Variants in ADAM29 observed in about 807,000 individuals in gnomAD.
ADAM29 encodes disintegrin and metalloproteinase domain-containing protein 29.
For missense variants in ADAM29, 969 were observed against 1,001.8 expected (o/e 0.97, Z 0.44); for synonymous variants, 367 against 342.3 (o/e 1.07, Z -0.80).
intron 3 of ADAM29, among the ~76,000 whole-genome samples, chr4:174,935,256 G>A (rs1353674305): frequency 6.6e-6 from 1 of 152,108 alleles, no homozygotes; most frequent in Non-Finnish European, 1.5e-5. Flanking sequence ...TACAGGATAT[G>A]TCATTAGAAA....
At chr4:174,937,932 A>C (rs1744295478) in intron 4 of ADAM29, among the ~76,000 whole-genome samples, 1 of 152,136 alleles carries the variant, frequency 6.6e-6, no homozygotes, top group African/African-American at 2.4e-5. Flanking sequence ...CAAGTTTTTC[A>C]GAAATTAATG....
At chr4:174,925,978 C>T (rs1257121962) in intron 2 of ADAM29, among the ~76,000 whole-genome samples, 2 of 152,082 alleles carry the variant, frequency 1.3e-5, no homozygotes, top group Non-Finnish European at 2.9e-5. Flanking sequence ...AGTCAGCTTT[C>T]TTTCAAATCA....
chr4:174,952,707 G>T (rs1745257348), intron 4 of ADAM29, among the ~76,000 whole-genome samples: 1 of 146,742 alleles, frequency 6.8e-6, no homozygotes, highest in South Asian at 2.2e-4. Flanking sequence ...CTGGTATTCT[G>T]TCGTTCACCT....
At chr4:174,949,196 A>G (rs1293132263) in intron 4 of ADAM29, among the ~76,000 whole-genome samples, 2 of 152,092 alleles carry the variant, frequency 1.3e-5, no homozygotes, top group African/African-American at 2.4e-5. Context: ...GCACTCAGTC[A>G]TGCCCTCATC....
chr4:174,966,564 G>T (rs1352808742), intron 4 of ADAM29, among the ~76,000 whole-genome samples: 1 of 152,130 alleles, frequency 6.6e-6, no homozygotes, highest in East Asian at 1.9e-4. Context: ...TTATCTCAAG[G>T]TAGTCCAAAA....
chr4:174,968,703 T>C (rs1052005400), intron 4 of ADAM29, among the ~76,000 whole-genome samples: 4 of 152,082 alleles, frequency 2.6e-5, no homozygotes. Context: ...TTTATAAAGA[T>C]TATTGTGGAT....
intron 3 of ADAM29, among the ~76,000 whole-genome samples, chr4:174,932,747 A>T (rs955466470): frequency 6.6e-6 from 1 of 152,200 alleles, no homozygotes; most frequent in African/African-American, 2.4e-5. Flanking sequence ...TTGCAGTGAA[A>T]AAAGGGGAAA....
At chr4:174,928,281 A>G (rs895392178) in intron 2 of ADAM29, among the ~76,000 whole-genome samples, 5 of 152,054 alleles carry the variant, frequency 3.3e-5, no homozygotes, top group Non-Finnish European at 7.4e-5. Flanking sequence ...GGCGAGGAAC[A>G]GGGTCAGGGT....
intron 2 of ADAM29, among the ~76,000 whole-genome samples, chr4:174,922,787 T>C (rs976029883): frequency 2.0e-5 from 3 of 152,212 alleles, no homozygotes; most frequent in African/African-American, 7.2e-5. Flanking sequence ...CTTGTGATAA[T>C]CACATCTTTT....
intron 3 of ADAM29, among the ~76,000 whole-genome samples, chr4:174,931,736 CTGTT>C (rs1218946747): frequency 5.9e-5 from 9 of 152,058 alleles, no homozygotes; most frequent in East Asian, 3.9e-4. Context: ...GTAATTAATT[CTGTT>C]TGTCTCTATT....
rs1746737457 is a variant in ADAM29, at chr4:174,975,757, C to T, written c.232C>T (p.Leu78Phe). 3 of 1,613,634 alleles carry T rather than the reference C, an allele frequency of 1.9e-6. No homozygotes were observed. Among genetic ancestry groups the T allele is most frequent in the South Asian group, 1.1e-5 (1 of 90,982 alleles). ...KVKKLLFSKH[L>F]PVFTYTDQGA... ...CAAGAAGCTTTTGTTTTCCAAACAC[C>T]TCCCTGTGTTCACCTACACAGACCA... The change falls in exon 5 of 5, where the codon CTC becomes TTC. Residue 78 changes from leucine (L) to phenylalanine (F), a missense_variant. By Grantham distance (22) the Leu-to-Phe change is conservative. Coordinates refer to ENST00000359240, the MANE Select transcript of ADAM29 (RefSeq NM_014269.4).
At chr4:174,928,326 C>A (rs758413155) in intron 2 of ADAM29, among the ~76,000 whole-genome samples, 21 of 151,886 alleles carry the variant, frequency 1.4e-4, no homozygotes, top group Admixed American at 2.6e-4. Flanking sequence ...GTGTCTTGAC[C>A]GCATCCTGGA....
At chr4:174,973,677 A>T (rs1372104735) in intron 4 of ADAM29, among the ~76,000 whole-genome samples, 1 of 152,104 alleles carries the variant, frequency 6.6e-6, no homozygotes, top group African/African-American at 2.4e-5. Context: ...TTTAATTTTG[A>T]TAGCTCTTTC....
rs1403091087 is a variant in ADAM29 at position 174,978,090 on chromosome 4, T to G, written c.*102T>G. 2 of 1,536,940 alleles carry G rather than the reference T, an allele frequency of 1.3e-6. No homozygotes were observed. The highest frequency in any genetic ancestry group is 2.7e-5 in the African/African-American group (2 of 73,154). On this transcript the variant is annotated 3_prime_UTR_variant, in exon 5 of 5. Transcript: ENST00000359240. ...CCCAGAGTCAACCTCATGTGACACCTTACCGGAGTAAAAGTGGTAAACAAA... is the reference window on the plus strand; with the variant it reads ...CCCAGAGTCAACCTCATGTGACACCGTACCGGAGTAAAAGTGGTAAACAAA...
At chr4:174,953,792 C>T (rs904313975) in intron 4 of ADAM29, among the ~76,000 whole-genome samples, 11 of 152,092 alleles carry the variant, frequency 7.2e-5, no homozygotes, top group Admixed American at 1.3e-4. Context: ...CTGACTGCAA[C>T]CTCCACTCCC....
rs997534778 is a variant in ADAM29, at chr4:174,930,048, C to T, written c.-450-938C>T. ...GGTTCACTCCATTCTCCTGCCTCAG[C>T]CTCCCGAGTAGCTGGGACTACAGGC... On this transcript the variant is annotated intron_variant, in intron 2 of 4. Transcript: ENST00000359240. Among the ~76,000 whole-genome samples the T allele has an allele frequency of 9.2e-5, 14 of 152,302 alleles. No individual in the cohort carries two copies. In the East Asian group the frequency reaches 2.7e-3, roughly 29 times the overall value.
Position 174,977,836 on chromosome 4 carries a change from C to A in ADAM29, c.2311C>A (p.Arg771=). Residue 771 remains arginine (R), a synonymous_variant, in exon 5 of 5, where the codon CGG becomes AGG. Transcript: ENST00000359240. ...TGTGACACCCTCCCAGAGTCAACCTCGGGTGATGCCTTCTCAGAGTCAACC... is the reference window on the plus strand; with the variant it reads ...TGTGACACCCTCCCAGAGTCAACCTAGGGTGATGCCTTCTCAGAGTCAACC... ...PPVTPSQSQP[R]VMPSQSQPPV... 1.3e-6 allele frequency: 2 copies of A among 1,585,048 alleles called. No individual in the cohort carries two copies. The highest frequency in any genetic ancestry group is 1.7e-6 in the Non-Finnish European group (2 of 1,164,560).
intron 4 of ADAM29, among the ~76,000 whole-genome samples, chr4:174,951,282 C>T (rs1195334287): frequency 2.6e-5 from 4 of 152,154 alleles, no homozygotes; most frequent in Non-Finnish European, 5.9e-5. Flanking sequence ...TATCTCCTAC[C>T]ATTCCTTGCT....
At chr4:174,955,738 C>G (rs1426485696) in intron 4 of ADAM29, among the ~76,000 whole-genome samples, 1 of 151,970 alleles carries the variant, frequency 6.6e-6, no homozygotes, top group African/African-American at 2.4e-5. Context: ...TACAAAGTTG[C>G]AAAAGCTAAA....
Sources: allele counts gnomAD v4.1 joint callset (sites outside exome capture counted in the v4.1 genomes callset), GRCh38; gene constraint gnomAD v4.1.1; transcripts MANE v1.5; gene names NCBI Gene and HGNC (gene_info 2026-07-23, HGNC 2026-07-21).